The following RTL6 variants were observed in gnomAD, a reference collection of about 807,000 sequenced individuals.
RTL6 encodes retrotransposon Gag-like protein 6.
A neutral mutation model predicts 12.4 loss-of-function variants in RTL6; 9 were observed. The observed-to-expected ratio is 0.73, with a 90% confidence interval of 0.44 to 1.27. The LOEUF is 1.27. RTL6 is among the 50% of genes most tolerant of loss of function. RTL6 has a pLI of 0.00. For synonymous variants in RTL6, 160 were observed against 142.8 expected (o/e 1.12, Z -0.86); for missense variants, 291 against 330.7 (o/e 0.88, Z 0.93).
At position 44,492,925 on chromosome 22, in the gene RTL6, T is replaced by C. The variant is rs761889199; in HGVS notation, c.*3912A>G. On this transcript the variant is annotated 3_prime_UTR_variant, in exon 2 of 2. Transcript: ENST00000341255. ...CCTCAAAGGTTTTCATATTCTTTAGTTGAAGAATCCCACCTCCTGGAGTCT... is the reference window on the plus strand; with the variant it reads ...CCTCAAAGGTTTTCATATTCTTTAGCTGAAGAATCCCACCTCCTGGAGTCT... The C allele has an allele frequency of 1.3e-5, 2 of 152,226 alleles. No homozygotes were observed. Among genetic ancestry groups the C allele is most frequent in the Non-Finnish European group, 2.9e-5 (2 of 68,048 alleles). 9.4% of individuals were successfully genotyped at this position (152,226 alleles called of 1,614,324 possible).
chr22:44,497,417 C>T lies in RTL6; in HGVS notation c.140G>A (p.Arg47Gln), dbSNP rs199782709. ...GTTGGTGAGATTGGCCTTCTCCGCC[C>T]GCAGGGTGGAAGCCTCCCGCCTCAG... ...SALRREASTL[R>Q]AEKANLTNML... The change falls in exon 2 of 2, where the codon CGG (arginine) becomes CAG (glutamine). Residue 47 changes from arginine (R) to glutamine (Q), a missense_variant. This residue lies in a region of RTL6 where 155 missense variants were observed against 149.2 expected (regional missense o/e 1.04). Coordinates refer to ENST00000341255, the MANE Select transcript of RTL6 (RefSeq NM_032287.3). 2 of 1,614,070 alleles carry T rather than the reference C, an allele frequency of 1.2e-6. No individual in the cohort carries two copies. Among genetic ancestry groups the T allele is most frequent in the Non-Finnish European group, 1.7e-6 (2 of 1,179,990 alleles).
rs1924409054 is a variant in RTL6 at position 44,495,124 on chromosome 22, G to C, written c.*1713C>G. On this transcript the variant is annotated 3_prime_UTR_variant, in exon 2 of 2. Coordinates refer to ENST00000341255, the MANE Select transcript of RTL6 (RefSeq NM_032287.3). The stretch of plus-strand genomic sequence containing the variant: ...GGAACCTAAAGCCTGTATTCAGGCA[G>C]TTGTTCAGCAGGGCAATTGGGCTAA... 1 of 152,732 alleles carries C rather than the reference G, an allele frequency of 6.5e-6. No homozygotes were observed. Among genetic ancestry groups the C allele is most frequent in the Admixed American group, 6.5e-5 (1 of 15,290 alleles). 9.5% of individuals were successfully genotyped at this position (152,732 alleles called of 1,614,324 possible).
In RTL6 at chr22:44,495,787, C is replaced by T. The variant is rs1487389007; in HGVS notation, c.*1050G>A. On this transcript the variant is annotated 3_prime_UTR_variant, in exon 2 of 2. Transcript: ENST00000341255. ...GCTACAAGGTGCCTTTGGAGACCCA[C>T]AGATGGTGCGTGGGTGGCTGCAGGG... 6.6e-6 allele frequency: 1 copy of T among 152,296 alleles called. No homozygotes were observed. The highest frequency in any genetic ancestry group is 1.5e-5 in the Non-Finnish European group (1 of 68,100). 9.4% of individuals were successfully genotyped at this position (152,296 alleles called of 1,614,324 possible). A position where few individuals can be genotyped will look rare whatever the true frequency, so the allele number is the denominator to read the frequency against.
Position 44,497,628 on chromosome 22 carries a change from T to TG in RTL6, c.-73dup. 6.5e-7 allele frequency: 1 copy of TG among 1,541,686 alleles called. No homozygotes were observed. The highest frequency in any genetic ancestry group is 2.0e-5 in the Admixed American group (1 of 50,936). On this transcript the variant is annotated 5_prime_UTR_variant, in exon 2 of 2. Coordinates refer to ENST00000341255, the MANE Select transcript of RTL6 (RefSeq NM_032287.3). The stretch of plus-strand genomic sequence containing the variant: ...AGGGTGTGGTGACCAGGTGGGCCCC[T>TG]GTAGAAATGGGGGCAGTGTGGGGTG...
In RTL6 at chr22:44,496,831, G is replaced by T. The variant is rs756191276; in HGVS notation, c.*6C>A. ...GCTGCAGACGCTACCAAGTGCTGGC[G>T]GATTCTTAAAGATTCCGTGCTCGGG... On this transcript the variant is annotated 3_prime_UTR_variant, in exon 2 of 2. Transcript: ENST00000341255. 2 of 1,543,838 alleles carry T rather than the reference G, an allele frequency of 1.3e-6. No individual in the cohort carries two copies. The highest frequency in any genetic ancestry group is 1.3e-5 in the South Asian group (1 of 79,874).
chr22:44,497,029 G>A lies in RTL6; in HGVS notation c.528C>T (p.Thr176=), dbSNP rs763077169. Residue 176 remains threonine (T), a synonymous_variant, in exon 2 of 2, where the codon ACC becomes ACT. Coordinates refer to ENST00000341255, the MANE Select transcript of RTL6 (RefSeq NM_032287.3). ...GCGCATGCCGGAGCGGAGACTTGTAGGTTCTCCGCAACTCTGCCAGGAACC... is the reference window on the plus strand; with the variant it reads ...GCGCATGCCGGAGCGGAGACTTGTAAGTTCTCCGCAACTCTGCCAGGAACC... ...YQGFLAELRR[T]YKSPLRHARR... The A allele has an allele frequency of 6.2e-7, 1 of 1,614,060 alleles. No individual in the cohort carries two copies.
Position 44,497,750 on chromosome 22 carries a change from C to T in RTL6, c.-194G>A. ...GGACTTCGGCCCCGGTCCCACGCGG[C>T]TCCTTTACTGCAGACTTCGCGGACT... On this transcript the variant is annotated 5_prime_UTR_variant, in exon 2 of 2. Coordinates refer to ENST00000341255, the MANE Select transcript of RTL6 (RefSeq NM_032287.3). The T allele has an allele frequency of 1.5e-6, 1 of 688,088 alleles. No homozygotes were observed. The highest frequency in any genetic ancestry group is 2.5e-6 in the Non-Finnish European group (1 of 406,572). 42.6% of individuals were successfully genotyped at this position (688,088 alleles called of 1,614,324 possible).
Position 44,497,250 on chromosome 22 carries a change from C to T in RTL6, c.307G>A (p.Glu103Lys), listed in dbSNP as rs749281043. 6.2e-7 allele frequency: 1 copy of T among 1,614,204 alleles called. No individual in the cohort carries two copies. Among genetic ancestry groups the T allele is most frequent in the Non-Finnish European group, 8.5e-7 (1 of 1,180,044 alleles). The change falls in exon 2 of 2, where the codon GAG (glutamate) becomes AAG (lysine). Residue 103 changes from glutamate to lysine, a missense_variant. Coordinates refer to ENST00000341255, the MANE Select transcript of RTL6 (RefSeq NM_032287.3). ...PMTTPPTSLP[E>K]PFSGDPGRLA... ...CGGCCTGGGTCCCCGGAAAAGGGCTCGGGCAGAGAGGTTGGAGGTGTGGTC... is the reference window on the plus strand; with the variant it reads ...CGGCCTGGGTCCCCGGAAAAGGGCTTGGGCAGAGAGGTTGGAGGTGTGGTC...
Position 44,493,113 on chromosome 22 carries a change from T to C in RTL6, c.*3724A>G, listed in dbSNP as rs372172883. On this transcript the variant is annotated 3_prime_UTR_variant, in exon 2 of 2. Coordinates refer to ENST00000341255, the MANE Select transcript of RTL6 (RefSeq NM_032287.3). Reference sequence around the variant, plus strand: ...TCCAAAATAAAATATTTAGTAATCATAAGGGGAGATGCCCACGATATGCTA... The same window carrying C: ...TCCAAAATAAAATATTTAGTAATCACAAGGGGAGATGCCCACGATATGCTA... The C allele has an allele frequency of 1.5e-4, 23 of 152,252 alleles. No homozygotes were observed. The highest frequency in any genetic ancestry group is 5.1e-4 in the African/African-American group (21 of 41,534). 9.4% of individuals were successfully genotyped at this position (152,252 alleles called of 1,614,324 possible).
chr22:44,496,757 T>A lies in RTL6; in HGVS notation c.*80A>T. On this transcript the variant is annotated 3_prime_UTR_variant, in exon 2 of 2. Coordinates refer to ENST00000341255, the MANE Select transcript of RTL6 (RefSeq NM_032287.3). ...AGGTCTTCAAACAGGGGCAAAGCTG[T>A]CGTATGGGCATTTCTTCTACACAGC... 1 of 1,481,092 alleles carries A rather than the reference T, an allele frequency of 6.8e-7. No homozygotes were observed. Among genetic ancestry groups the A allele is most frequent in the Non-Finnish European group, 9.0e-7 (1 of 1,108,830 alleles). 91.7% of individuals were successfully genotyped at this position (1,481,092 alleles called of 1,614,324 possible). A position where few individuals can be genotyped will look rare whatever the true frequency, so the allele number is the denominator to read the frequency against.
In RTL6 at chr22:44,494,696, G is replaced by C. The variant is rs1326069007; in HGVS notation, c.*2141C>G. 1 of 152,630 alleles carries C rather than the reference G, an allele frequency of 6.6e-6. No homozygotes were observed. The highest frequency in any genetic ancestry group is 1.9e-4 in the East Asian group (1 of 5,198). The allele number at this position is 152,630 out of a possible 1,614,324, so 9.5% of individuals were successfully genotyped here. On this transcript the variant is annotated 3_prime_UTR_variant, in exon 2 of 2. Coordinates refer to ENST00000341255, the MANE Select transcript of RTL6 (RefSeq NM_032287.3). ...CAGGGAGTGTGTGGACAGGGAGTGT[G>C]TGGACAGGGAGCGTGGCCGGCCTTT...
rs73167801 is a variant in RTL6 at position 44,496,678 on chromosome 22, G to C, written c.*159C>G. ...GGCAAGGTGGGCAACCAGGGCGCCA[G>C]GAAGGACGGAAGGAAGATCTCCTCG... On this transcript the variant is annotated 3_prime_UTR_variant, in exon 2 of 2. Coordinates refer to ENST00000341255, the MANE Select transcript of RTL6 (RefSeq NM_032287.3). 3.6e-5 allele frequency: 34 copies of C among 938,196 alleles called. No individual in the cohort carries two copies. Among genetic ancestry groups the C allele is most frequent in the Non-Finnish European group, 5.1e-5 (32 of 628,138 alleles). 58.1% of individuals were successfully genotyped at this position (938,196 alleles called of 1,614,324 possible). A position where few individuals can be genotyped will look rare whatever the true frequency, so the allele number is the denominator to read the frequency against.
rs131158 is a variant in RTL6 at position 44,495,993 on chromosome 22, A to G, written c.*844T>C. On this transcript the variant is annotated 3_prime_UTR_variant, in exon 2 of 2. Coordinates refer to ENST00000341255, the MANE Select transcript of RTL6 (RefSeq NM_032287.3). ...TGGTATCCACCCTTAGCCTGCTATG[A>G]CCCTCAGGCGTGGGTGTGTAGGAAC... The G allele has an allele frequency of 0.51, 77,450 of 152,124 alleles. 19,888 individuals are homozygous for G. The highest frequency in any genetic ancestry group is 0.55 in the African/African-American group (22,867 of 41,458). 9.4% of individuals were successfully genotyped at this position (152,124 alleles called of 1,614,324 possible).
rs1924344856 is a variant in RTL6, at chr22:44,493,007, T to G, written c.*3830A>C. The G allele has an allele frequency of 1.3e-5, 2 of 152,340 alleles. No homozygotes were observed. The highest frequency in any genetic ancestry group is 4.1e-4 in the South Asian group (2 of 4,832). The allele number at this position is 152,340 out of a possible 1,614,324, so 9.4% of individuals were successfully genotyped here. A position where few individuals can be genotyped will look rare whatever the true frequency, so the allele number is the denominator to read the frequency against. The stretch of plus-strand genomic sequence containing the variant: ...GTGCACAAAGATATTCATCAATTTA[T>G]AACTGAAAAGTTAGTAACAGCATTA... On this transcript the variant is annotated 3_prime_UTR_variant, in exon 2 of 2. Transcript: ENST00000341255.
chr22:44,497,038 C>A lies in RTL6; in HGVS notation c.519G>T (p.Leu173Phe), dbSNP rs372137191. 1 of 1,613,968 alleles carries A rather than the reference C, an allele frequency of 6.2e-7. No individual in the cohort carries two copies. The highest frequency in any genetic ancestry group is 1.3e-5 in the African/African-American group (1 of 74,950). Reference sequence around the variant, plus strand: ...GGAGCGGAGACTTGTAGGTTCTCCGCAACTCTGCCAGGAACCCCTGATAGT... The same window carrying A: ...GGAGCGGAGACTTGTAGGTTCTCCGAAACTCTGCCAGGAACCCCTGATAGT... ...RNNYQGFLAELRRTYKSPLRH... is the reference protein window; with the variant it reads ...RNNYQGFLAEFRRTYKSPLRH... The change falls in exon 2 of 2, where the codon TTG (leucine) becomes TTT (phenylalanine). Residue 173 changes from leucine (L) to phenylalanine (F), a missense_variant. Coordinates refer to ENST00000341255, the MANE Select transcript of RTL6 (RefSeq NM_032287.3).
rs1305516468 is a variant in RTL6, at chr22:44,493,530, T to G, written c.*3307A>C. 1 of 152,176 alleles carries G rather than the reference T, an allele frequency of 6.6e-6. No individual in the cohort carries two copies. Among genetic ancestry groups the G allele is most frequent in the Non-Finnish European group, 1.5e-5 (1 of 68,090 alleles). The allele number at this position is 152,176 out of a possible 1,614,324, so 9.4% of individuals were successfully genotyped here. A position where few individuals can be genotyped will look rare whatever the true frequency, so the allele number is the denominator to read the frequency against. On this transcript the variant is annotated 3_prime_UTR_variant, in exon 2 of 2. Transcript: ENST00000341255. The stretch of plus-strand genomic sequence containing the variant: ...ACCTTCTCCCCTACTCTGGGGAGCT[T>G]CTCCTGTTGGCCCAACAGTCTGCTC...
chr22:44,495,667 C>CA lies in RTL6; in HGVS notation c.*1169_*1170insT, dbSNP rs202007627. ...TGGGTTGCCAGAGGCAGACACCCCC[C>CA]CCGGCCTTAAGTGCTTAAGGATGTT... On this transcript the variant is annotated 3_prime_UTR_variant, in exon 2 of 2. Coordinates refer to ENST00000341255, the MANE Select transcript of RTL6 (RefSeq NM_032287.3). The CA allele has an allele frequency of 2.4e-4, 37 of 152,236 alleles. 1 individual carries two copies. The highest frequency in any genetic ancestry group is 8.4e-4 in the African/African-American group (35 of 41,498). 9.4% of individuals were successfully genotyped at this position (152,236 alleles called of 1,614,324 possible).
chr22:44,497,687 G>A lies in RTL6; in HGVS notation c.-131C>T. The A allele has an allele frequency of 7.9e-7, 1 of 1,265,638 alleles. No homozygotes were observed. The highest frequency in any genetic ancestry group is 2.5e-5 in the East Asian group (1 of 39,222). The allele number at this position is 1,265,638 out of a possible 1,614,324, so 78.4% of individuals were successfully genotyped here. A position where few individuals can be genotyped will look rare whatever the true frequency, so the allele number is the denominator to read the frequency against. ...CAGGGCGCTGCGAGACCCCCAAGCC[G>A]AGGGCCCGAGAGAGGGGCACGCGGT... On this transcript the variant is annotated 5_prime_UTR_variant, in exon 2 of 2. Coordinates refer to ENST00000341255, the MANE Select transcript of RTL6 (RefSeq NM_032287.3).
rs998230527 is a variant in RTL6 at position 44,493,447 on chromosome 22, TC to T, written c.*3389del. 7 of 151,964 alleles carry T rather than the reference TC, an allele frequency of 4.6e-5. No homozygotes were observed. The highest frequency in any genetic ancestry group is 1.7e-4 in the African/African-American group (7 of 41,310). The allele number at this position is 151,964 out of a possible 1,614,324, so 9.4% of individuals were successfully genotyped here. On this transcript the variant is annotated 3_prime_UTR_variant, in exon 2 of 2. Transcript: ENST00000341255. The stretch of plus-strand genomic sequence containing the variant: ...AACTGCCACCCCACCCAAACTCAGG[TC>T]CCCAAGAGACAGAGACACAGGGGCT...
Sources: gnomAD v4.1 joint callset for allele counts on GRCh38, gnomAD v4.1.1 for gene constraint, gnomAD v4.1.1 regional missense constraint, MANE v1.5 for transcripts, NCBI Gene and HGNC (gene_info 2026-07-23, HGNC 2026-07-21) for gene names.